The following LEPR variants were observed in gnomAD, a reference collection of about 807,000 sequenced individuals.
LEPR encodes the protein OB receptor.
Under a neutral mutation model 114.7 loss-of-function variants are expected in LEPR, and 56 were observed. The ratio of observed to expected loss-of-function variants is 0.49; its 90% CI spans 0.39 to 0.61. The LOEUF is 0.61. Ranked by LOEUF, LEPR falls within the 20% of genes least tolerant of loss-of-function variation. The pLI is 0.00. For synonymous variants in LEPR, 443 were observed against 461.4 expected, an observed-to-expected ratio of 0.96 and a Z score of 0.51; for missense variants, 1,202 against 1,352.9, an observed-to-expected ratio of 0.89 and a Z score of 1.75.
chr1:65,450,342 T>G (rs1472632646), intron 2 of LEPR, among the ~76,000 whole-genome samples: 1 of 151,444 alleles, frequency 6.6e-6, no homozygotes, highest in Non-Finnish European at 1.5e-5. Context: ...TAGTTACATA[T>G]GTATACATGT....
In LEPR at chr1:65,639,579, A is replaced by C. The variant is rs1658807418; in HGVS notation, c.*2564A>C. On this transcript the variant is annotated 3_prime_UTR_variant, in exon 20 of 20. Coordinates refer to ENST00000349533, the MANE Select transcript of LEPR (RefSeq NM_002303.6). ...GGTCAGGAACTTCCCATTTCTTCCCACAGCTTCTATAAAAAAAATTTAAAA... is the reference window on the plus strand; with the variant it reads ...GGTCAGGAACTTCCCATTTCTTCCCCCAGCTTCTATAAAAAAAATTTAAAA... 1 of 152,186 alleles carries C rather than the reference A, an allele frequency of 6.6e-6. No homozygotes were observed. Among genetic ancestry groups the C allele is most frequent in the African/African-American group, 2.4e-5 (1 of 41,450 alleles). 9.4% of individuals were successfully genotyped at this position (152,186 alleles called of 1,614,324 possible).
intron 2 of LEPR, among the ~76,000 whole-genome samples, chr1:65,484,244 G>A (rs1647362164): frequency 6.6e-6 from 1 of 151,990 alleles, no homozygotes; most frequent in Non-Finnish European, 1.5e-5. Context: ...CCCATAGTAG[G>A]AGCTTAATAT....
intron 6 of LEPR, among the ~76,000 whole-genome samples, chr1:65,593,924 A>C (rs1207206861): frequency 6.6e-6 from 1 of 152,100 alleles, no homozygotes; most frequent in Non-Finnish European, 1.5e-5. Flanking sequence ...TAGAGTCAAC[A>C]TTGAGTGCAT....
intron 2 of LEPR, among the ~76,000 whole-genome samples, chr1:65,530,184 A>C (rs1650286030): frequency 6.6e-6 from 1 of 152,170 alleles, no homozygotes; most frequent in South Asian, 2.1e-4. Context: ...CAAGTTAGTT[A>C]GGCCCCAAAC....
intron 19 of LEPR, chr1:65,626,302 C>A: frequency 7.7e-7 from 1 of 1,304,340 alleles, no homozygotes; most frequent in Non-Finnish European, 9.8e-7. Context: ...TTTTCAAGTT[C>A]TGGTAAATTA....
chr1:65,617,417 C>A (rs1329381261), intron 15 of LEPR, among the ~76,000 whole-genome samples: 2 of 152,192 alleles, frequency 1.3e-5, no homozygotes, highest in Admixed American at 6.5e-5. Context: ...TGGCTCCTAA[C>A]AAGAGCAGCC....
At chr1:65,625,419 C>G (rs569703322) in intron 19 of LEPR, among the ~76,000 whole-genome samples, 23 of 152,236 alleles carry the variant, frequency 1.5e-4, no homozygotes, top group African/African-American at 5.3e-4. Context: ...AAGAAAAACA[C>G]TATGTGCTCC....
chr1:65,471,340 A>G (rs552200575), intron 2 of LEPR, among the ~76,000 whole-genome samples: 19 of 152,340 alleles, frequency 1.2e-4, no homozygotes, highest in Non-Finnish European at 2.2e-4. Flanking sequence ...CAGGGCATGG[A>G]AAAAACAAAA....
chr1:65,588,359 T>C (rs1268146201), intron 5 of LEPR, among the ~76,000 whole-genome samples: 4 of 138,196 alleles, frequency 2.9e-5, no homozygotes, highest in Non-Finnish European at 6.4e-5. Context: ...AGGCAAGGTA[T>C]TGCTTACAAA....
intron 14 of LEPR, among the ~76,000 whole-genome samples, chr1:65,613,710 G>A (rs182574747): frequency 0.018 from 938 of 53,336 alleles, 105 homozygotes; most frequent in Middle Eastern, 0.037. Context: ...CCGAGATTGC[G>A]CCATTGCAGT....
chr1:65,433,244 G>A (rs1389960380), intron 2 of LEPR: 1 of 985,104 alleles, frequency 1.0e-6, no homozygotes, highest in Non-Finnish European at 1.2e-6. Flanking sequence ...AAGAGATATA[G>A]GAGCCATGTA....
At chr1:65,440,989 A>G (rs2100280581) in intron 2 of LEPR, among the ~76,000 whole-genome samples, 1 of 152,346 alleles carries the variant, frequency 6.6e-6, no homozygotes, top group South Asian at 2.1e-4. Flanking sequence ...TGAAGCAACG[A>G]GAGTGAATCA....
intron 10 of LEPR, among the ~76,000 whole-genome samples, chr1:65,604,477 C>T (rs1361678206): frequency 4.6e-5 from 7 of 151,990 alleles, no homozygotes; most frequent in Non-Finnish European, 8.8e-5. Context: ...CCCTAGTAGC[C>T]AGGACTACAG....
chr1:65,571,378 C>A (rs990715035), intron 4 of LEPR, among the ~76,000 whole-genome samples: 3 of 150,890 alleles, frequency 2.0e-5, no homozygotes, highest in Admixed American at 6.6e-5. Flanking sequence ...GAAAAAAATT[C>A]TTTTTTTTTG....
chr1:65,546,720 G>C (rs1461694746), intron 2 of LEPR, among the ~76,000 whole-genome samples: 1 of 152,084 alleles, frequency 6.6e-6, no homozygotes, highest in Non-Finnish European at 1.5e-5. Flanking sequence ...TGAGACAATG[G>C]GGTTTTCTAG....
In LEPR at chr1:65,610,107, G is replaced by T; in HGVS notation, c.1912+1G>T. On this transcript the variant is annotated splice_donor_variant, in intron 13 of 19. Coordinates refer to ENST00000349533, the MANE Select transcript of LEPR (RefSeq NM_002303.6). LOFTEE classifies it high-confidence loss of function. The stretch of plus-strand genomic sequence containing the variant: ...TACACAGTTGTCATGGATATAAAAG[G>T]TCTGCAGAGATTTTGTAAATGTGTT... 1 of 1,614,162 alleles carries T rather than the reference G, an allele frequency of 6.2e-7. No individual in the cohort carries two copies. The highest frequency in any genetic ancestry group is 8.5e-7 in the Non-Finnish European group (1 of 1,180,004).
At chr1:65,434,910 CACAGAAAGAATGCCTTGTG>C in intron 2 of LEPR, 17 of 985,436 alleles carry the variant, frequency 1.7e-5, no homozygotes, top group Non-Finnish European at 2.0e-5. Context: ...CACACTTCAT[CACAGAAAGAATGCCTTGTG>C]ATTATCTTCT....
At chr1:65,580,026 T>TAGGTTTCTA (rs1654873060) in intron 5 of LEPR, among the ~76,000 whole-genome samples, 1 of 152,226 alleles carries the variant, frequency 6.6e-6, no homozygotes, top group Non-Finnish European at 1.5e-5. Flanking sequence ...ACTTGGAACC[T>TAGGTTTCTA]AGGTTTCTAA....
intron 2 of LEPR, among the ~76,000 whole-genome samples, chr1:65,528,988 T>A (rs1650179859): frequency 7.0e-6 from 1 of 143,640 alleles, no homozygotes; most frequent in Non-Finnish European, 1.5e-5. Context: ...TTTTTTTTTG[T>A]ATTTTTAGTA....
Sources: allele counts gnomAD v4.1 joint callset (sites outside exome capture counted in the v4.1 genomes callset), GRCh38; gene constraint gnomAD v4.1.1; transcripts MANE v1.5; gene names NCBI Gene and HGNC (gene_info 2026-07-23, HGNC 2026-07-21).